PRDM11: variants seen among roughly 807,000 people sequenced by gnomAD.
PRDM11 encodes the protein PR domain-containing protein 11.
In PRDM11, 20 loss-of-function variants were observed where a neutral mutation model predicts 97.8. That is an observed-to-expected ratio of 0.20 (90% CI 0.14 to 0.30). The LOEUF is 0.30. Ranked by LOEUF, PRDM11 falls within the 10% of genes least tolerant of loss-of-function variation. The pLI, the probability that PRDM11 is intolerant of heterozygous loss-of-function variation, is 1.00. For synonymous variants in PRDM11, 599 were observed against 637.7 expected, an observed-to-expected ratio of 0.94 and a Z score of 0.91; for missense variants, 1,139 against 1,555.2, an observed-to-expected ratio of 0.73 and a Z score of 4.50.
intron 4 of PRDM11, among the ~76,000 whole-genome samples, chr11:45,199,796 G>A (rs1005708967): frequency 5.3e-5 from 8 of 152,296 alleles, no homozygotes; most frequent in African/African-American, 1.2e-4. Flanking sequence ...GGCATGTAAC[G>A]TGGTCCACAG....
intron 7 of PRDM11, chr11:45,225,142 T>C: frequency 1.6e-5 from 22 of 1,384,392 alleles, no homozygotes; most frequent in Non-Finnish European, 2.1e-5. Context: ...TACTGGTGTC[T>C]TACCCCAAAG....
intron 5 of PRDM11, chr11:45,213,950 GCTT>G (rs1436807505): frequency 2.9e-6 from 1 of 349,036 alleles, no homozygotes; most frequent in Non-Finnish European, 5.7e-6. Context: ...CTGTATCTCT[GCTT>G]CTGCCTCAGC....
At chr11:45,172,317 C>G (rs573220556) in intron 1 of PRDM11, among the ~76,000 whole-genome samples, 1 of 152,310 alleles carries the variant, frequency 6.6e-6, no homozygotes, top group Middle Eastern at 3.4e-3. Context: ...AGAGCTTCAT[C>G]TCCAGCCCCT....
At chr11:45,125,172 G>A (rs2135635536) in intron 1 of PRDM11, among the ~76,000 whole-genome samples, 1 of 152,098 alleles carries the variant, frequency 6.6e-6, no homozygotes, top group East Asian at 1.9e-4. Context: ...ATTTCTGTGG[G>A]ATCGGTGGTG....
intron 4 of PRDM11, among the ~76,000 whole-genome samples, 185 bp from the exon 5 acceptor site, chr11:45,204,526 G>T (rs182223009): frequency 9.6e-4 from 146 of 152,258 alleles, no homozygotes; most frequent in Non-Finnish European, 1.8e-3. Flanking sequence ...AATGGGAATG[G>T]GTGGAGGGCA....
In PRDM11 at chr11:45,227,070, G is replaced by T; in HGVS notation, c.2445G>T (p.Glu815Asp). The T allele has an allele frequency of 6.5e-7, 1 of 1,533,980 alleles. No individual in the cohort carries two copies. Among genetic ancestry groups the T allele is most frequent in the Non-Finnish European group, 8.7e-7 (1 of 1,146,744 alleles). ...LRSTAATLCE[E>D]TEFLGDIRAV... ...CCACGGCGGCCACCCTTTGTGAGGA[G>T]ACAGAGTTCCTGGGCGATATCCGGG... is the stretch of plus-strand genomic sequence containing the variant. Residue 815 changes from glutamate to aspartate, a missense_variant, in exon 8 of 8, where the codon GAG becomes GAT. This residue lies in a region of PRDM11 where 710 missense variants were observed against 1,044.9 expected (regional missense o/e 0.68). Coordinates refer to ENST00000683152, the MANE Select transcript of PRDM11 (RefSeq NM_001384648.1). The surrounding 1 kb of genome is among the most constrained non-coding windows in gnomAD (Gnocchi z 8.0).
At chr11:45,210,256 G>A (rs1268409597) in intron 5 of PRDM11, among the ~76,000 whole-genome samples, 1 of 152,100 alleles carries the variant, frequency 6.6e-6, no homozygotes, top group African/African-American at 2.4e-5. Context: ...TGGCTGCTCC[G>A]CCACCCGCTC....
intron 5 of PRDM11, among the ~76,000 whole-genome samples, chr11:45,208,383 G>A (rs1446378199): frequency 1.3e-5 from 2 of 152,154 alleles, no homozygotes; most frequent in African/African-American, 2.4e-5. Flanking sequence ...GTATTCTTCC[G>A]AGCCATTCAT....
chr11:45,104,207 A>C (rs1485303965), intron 1 of PRDM11, among the ~76,000 whole-genome samples: 1 of 152,242 alleles, frequency 6.6e-6, no homozygotes, highest in African/African-American at 2.4e-5. Flanking sequence ...ACTTGTTCCC[A>C]GGAGACCTGG....
At chr11:45,180,500 G>C (rs955330454) in intron 1 of PRDM11, among the ~76,000 whole-genome samples, 1 of 151,780 alleles carries the variant, frequency 6.6e-6, no homozygotes, top group African/African-American at 2.4e-5. Context: ...CCTGGAATGC[G>C]TCCACCGCCT....
rs532403075 is a variant in PRDM11 at position 45,099,450 on chromosome 11, T to TAAAAA, written c.96+3570_96+3574dup. Among the ~76,000 whole-genome samples the TAAAAA allele has an allele frequency of 3.6e-3, 341 of 95,198 alleles. 7 individuals are homozygous for TAAAAA. Among genetic ancestry groups the TAAAAA allele is most frequent in the African/African-American group, 0.013 (313 of 24,374 alleles). 62.5% of individuals were successfully genotyped at this position (95,198 alleles called of 152,430 possible). A position where few individuals can be genotyped will look rare whatever the true frequency, so the allele number is the denominator to read the frequency against. ...TGGGTAACAGAGTGAGACTCCATCT[T>TAAAAA]AAAAAAAAAAAAAAAAAAAAAAAAA... On this transcript the variant is annotated intron_variant, in intron 1 of 6. Transcript: ENST00000530656.
intron 5 of PRDM11, among the ~76,000 whole-genome samples, chr11:45,205,599 GGGCCTGGGGCCCTCTGCC>G (rs914766009): frequency 2.6e-5 from 4 of 152,202 alleles, no homozygotes; most frequent in African/African-American, 9.7e-5. Context: ...GCCACACCAT[GGGCCTGGGGCCCTCTGCC>G]GGCATTTGCA....
At chr11:45,206,642 A>G (rs1420006227) in intron 5 of PRDM11, among the ~76,000 whole-genome samples, 4 of 152,338 alleles carry the variant, frequency 2.6e-5, no homozygotes, top group East Asian at 1.9e-4. Context: ...AAGGGGAGCT[A>G]TCATCCAAAC....
intron 5 of PRDM11, chr11:45,214,016 C>T: frequency 3.1e-6 from 1 of 320,498 alleles, no homozygotes; most frequent in South Asian, 2.7e-5. Context: ...TTCTCCCACC[C>T]TGCCCTGGCT....
chr11:45,115,615 G>C (rs1254923007), intron 1 of PRDM11, among the ~76,000 whole-genome samples: 1 of 152,122 alleles, frequency 6.6e-6, no homozygotes, highest in African/African-American at 2.4e-5. Flanking sequence ...AAGACAAAAA[G>C]TTATATCATG....
chr11:45,225,143 TAC>T, intron 7 of PRDM11: 1 of 1,382,360 alleles, frequency 7.2e-7, no homozygotes, highest in East Asian at 2.7e-5. Flanking sequence ...ACTGGTGTCT[TAC>T]CCCAAAGCCC....
intron 1 of PRDM11, among the ~76,000 whole-genome samples, chr11:45,173,554 G>A (rs923623597): frequency 6.6e-6 from 1 of 151,458 alleles, no homozygotes; most frequent in Non-Finnish European, 1.5e-5. Context: ...CCCGGGAGGC[G>A]GAGGTTGCAG....
intron 1 of PRDM11, among the ~76,000 whole-genome samples, chr11:45,137,156 C>G (rs2135660126): frequency 6.8e-6 from 1 of 146,440 alleles, no homozygotes; most frequent in East Asian, 2.1e-4. Context: ...GAGTGAGACT[C>G]TGTCTCAAAA....
In PRDM11 at chr11:45,227,565, G is replaced by T. The variant is rs1271730483; in HGVS notation, c.2940G>T (p.Arg980=). ...ILAQRFDSRS[R]IFVKACQVFD... ...CTCAGAGGTTCGACTCCCGCAGCCG[G>T]ATCTTTGTGAAGGCCTGCCAGGTGT... The change falls in exon 8 of 8, where the codon CGG becomes CGT. Residue 980 remains arginine (R), a synonymous_variant. Transcript: ENST00000683152. The surrounding 1 kb of genome is among the most constrained non-coding windows in gnomAD (Gnocchi z 8.0). 2 of 1,533,926 alleles carry T rather than the reference G, an allele frequency of 1.3e-6. No homozygotes were observed. The highest frequency in any genetic ancestry group is 1.7e-6 in the Non-Finnish European group (2 of 1,146,738).
Sources: gnomAD v4.1 joint callset for allele counts (sites outside exome capture counted in the v4.1 genomes callset) on GRCh38, gnomAD v4.1.1 for gene constraint, gnomAD v4.1.1 regional missense constraint, Gnocchi (gnomAD v3.1) non-coding constraint, MANE v1.5 for transcripts, NCBI Gene and HGNC (gene_info 2026-07-23, HGNC 2026-07-21) for gene names.